The following IMMT variants were observed in gnomAD, a reference collection of about 807,000 sequenced individuals.
IMMT encodes inner membrane mitochondrial protein.
IMMT carries 40 observed loss-of-function variants against 92.7 expected under a neutral mutation model. That is an observed-to-expected ratio of 0.43 (90% CI 0.34 to 0.56). The LOEUF is 0.56. IMMT is among the 20% of genes least tolerant of loss of function. IMMT has a pLI of 0.03. For missense variants in IMMT, 831 were observed against 912.1 expected (o/e 0.91, Z 1.14); for synonymous variants, 322 against 336.1 (o/e 0.96, Z 0.46).
intron 13 of IMMT, among the ~76,000 whole-genome samples, 193 bp from the exon 14 acceptor site, chr2:86,146,390 G>A (rs973179809): frequency 3.7e-5 from 4 of 108,908 alleles, no homozygotes; most frequent in Admixed American, 9.0e-5. Flanking sequence ...TTTTTTTTTT[G>A]AGATGGAATC....
At chr2:86,174,964 T>G (rs575031054) in intron 3 of IMMT, among the ~76,000 whole-genome samples, 1 of 152,210 alleles carries the variant, frequency 6.6e-6, no homozygotes, top group African/African-American at 2.4e-5. Flanking sequence ...ATCTATGGGA[T>G]AGTTTTCAGA....
At chr2:86,180,085 A>T (rs1672330425) in intron 2 of IMMT, among the ~76,000 whole-genome samples, 1 of 152,016 alleles carries the variant, frequency 6.6e-6, no homozygotes, top group Admixed American at 6.6e-5. Flanking sequence ...CTCAAAAAAT[A>T]AATAAATAAA....
intron 8 of IMMT, chr2:86,159,934 T>C: frequency 3.7e-6 from 1 of 267,628 alleles, no homozygotes. Context: ...AGAAATGTAA[T>C]TGCTTTTTTT....
intron 10 of IMMT, among the ~76,000 whole-genome samples, chr2:86,154,234 G>A (rs940973938): frequency 7.4e-5 from 11 of 149,036 alleles, no homozygotes; most frequent in Non-Finnish European, 1.3e-4. Flanking sequence ...GTGCAGTGGC[G>A]CAATCTCAGC....
intron 6 of IMMT, among the ~76,000 whole-genome samples, chr2:86,167,975 G>C (rs1676835473): frequency 6.6e-6 from 1 of 151,976 alleles, no homozygotes; most frequent in African/African-American, 2.4e-5. Context: ...AATCGTAACA[G>C]GGAAAAAGAG....
chr2:86,182,905 C>CA (rs1439060292), intron 1 of IMMT, among the ~76,000 whole-genome samples: 12 of 150,868 alleles, frequency 8.0e-5, no homozygotes, highest in South Asian at 4.2e-4. Context: ...ACCAAACAAA[C>CA]AAAAAAAACC....
At chr2:86,170,549 C>T (rs1437958658) in intron 6 of IMMT, among the ~76,000 whole-genome samples, 200 bp downstream of exon 6, 1 of 152,144 alleles carries the variant, frequency 6.6e-6, no homozygotes, top group Non-Finnish European at 1.5e-5. Flanking sequence ...CAACTATACA[C>T]TAAGAATAGC....
In IMMT at chr2:86,191,747, CA is replaced by C. The variant is rs572412565; in HGVS notation, c.45+3590del. 9.3e-3 allele frequency among the ~76,000 whole-genome samples: 1,082 copies of C among 116,830 alleles called. 15 individuals carry two copies. Among genetic ancestry groups the C allele is most frequent in the East Asian group, 0.033 (118 of 3,614 alleles). 76.6% of individuals were successfully genotyped at this position (116,830 alleles called of 152,430 possible). A position where few individuals can be genotyped will look rare whatever the true frequency, so the allele number is the denominator to read the frequency against. On this transcript the variant is annotated intron_variant, in intron 1 of 14. Transcript: ENST00000410111. Reference sequence around the variant, plus strand: ...TGAAACCCCGTCTCTACTAAAAATACAAAAAAAAAAAAAAAAAAAAAATTAG... The same window carrying C: ...TGAAACCCCGTCTCTACTAAAAATACAAAAAAAAAAAAAAAAAAAAATTAG...
At chr2:86,158,536 T>G (rs748465940) in intron 10 of IMMT, 56 bp downstream of exon 10, 36 of 1,432,960 alleles carry the variant, frequency 2.5e-5, no homozygotes, top group Non-Finnish European at 3.4e-5. Flanking sequence ...CAAGTTTAGA[T>G]TCATTGATTA....
intron 12 of IMMT, 79 bp downstream of exon 12, chr2:86,151,218 G>A (rs948369759): frequency 4.8e-6 from 6 of 1,240,156 alleles, no homozygotes; most frequent in South Asian, 1.3e-5. Flanking sequence ...GCACCCGGCT[G>A]AGCCAGTATT....
Position 86,170,816 on chromosome 2 carries a change from C to T in IMMT, c.588G>A (p.Glu196=), listed in dbSNP as rs1237743249. The T allele has an allele frequency of 6.3e-7, 1 of 1,587,002 alleles. No homozygotes were observed. Among genetic ancestry groups the T allele is most frequent in the African/African-American group, 1.3e-5 (1 of 74,802 alleles). ...SEEASSSSIR[E]RPPEEVAARL... is the part of the protein sequence containing the mutation. ...GAGCTGCAACTTCTTCAGGTGGTCGCTCCCTTATAGAAGATGAGGATGCTT... is the reference window on the plus strand; with the variant it reads ...GAGCTGCAACTTCTTCAGGTGGTCGTTCCCTTATAGAAGATGAGGATGCTT... The change falls in exon 6 of 15, where the codon GAG becomes GAA. Residue 196 remains glutamate, a synonymous_variant. Transcript: ENST00000410111.
rs1258658368 is a variant in IMMT, at chr2:86,144,563, G to C, written c.1982C>G (p.Ser661Cys). 1 of 1,613,906 alleles carries C rather than the reference G, an allele frequency of 6.2e-7. No homozygotes were observed. The highest frequency in any genetic ancestry group is 8.5e-7 in the Non-Finnish European group (1 of 1,179,898). Residue 661 changes from serine (S) to cysteine (C), a missense_variant, in exon 15 of 15, where the codon TCC (serine) becomes TGC (cysteine). Physicochemically the swap from Ser to Cys is moderately radical, Grantham distance 112. Coordinates refer to ENST00000410111, the MANE Select transcript of IMMT (RefSeq NM_006839.3). ...TRNSLYQYFLSYLQSLLLFPP... is the reference protein window; with the variant it reads ...TRNSLYQYFLCYLQSLLLFPP... ...GAATAGGAGCAGGGACTGTAGGTAG[G>C]AGAGGAAGTACTGGTACAAGCTATT...
At chr2:86,160,530 C>CTTT (rs1283720148) in intron 8 of IMMT, among the ~76,000 whole-genome samples, 1 of 152,150 alleles carries the variant, frequency 6.6e-6, no homozygotes, top group Non-Finnish European at 1.5e-5. Context: ...GAGCATAATG[C>CTTT]CTTAAATCTC....
intron 10 of IMMT, among the ~76,000 whole-genome samples, chr2:86,157,787 T>TA (rs1675954566): frequency 1.9e-5 from 1 of 51,386 alleles, no homozygotes. Context: ...AAACTTTGTC[T>TA]CAAAAAAAAA....
At chr2:86,187,736 C>G (rs1018162908) in intron 1 of IMMT, among the ~76,000 whole-genome samples, 2 of 151,910 alleles carry the variant, frequency 1.3e-5, no homozygotes, top group African/African-American at 4.8e-5. Context: ...CATGGAGAAG[C>G]CCCGCGTCTC....
At chr2:86,160,718 T>C (rs57020255) in intron 8 of IMMT, among the ~76,000 whole-genome samples, 6,512 of 152,272 alleles carry the variant, frequency 0.043, 494 homozygotes, top group African/African-American at 0.15. Flanking sequence ...GCATGCTTGC[T>C]CAATCCTAGT....
intron 1 of IMMT, 135 bp downstream of exon 1, chr2:86,195,203 C>T (rs1673452808): frequency 1.1e-6 from 1 of 946,782 alleles, no homozygotes; most frequent in Non-Finnish European, 1.5e-6. Context: ...GCTGCCCGCC[C>T]GGGCCTCTCC....
At chr2:86,190,726 A>T (rs1247879852) in intron 1 of IMMT, among the ~76,000 whole-genome samples, 1 of 152,256 alleles carries the variant, frequency 6.6e-6, no homozygotes, top group Non-Finnish European at 1.5e-5. Flanking sequence ...GCAGTGACTT[A>T]AGCCTGTAAT....
At chr2:86,168,478 C>A (rs1676871766) in intron 6 of IMMT, among the ~76,000 whole-genome samples, 1 of 152,024 alleles carries the variant, frequency 6.6e-6, no homozygotes, top group African/African-American at 2.4e-5. Flanking sequence ...CAAAAATTAT[C>A]CAGACATGGT....
Sources: allele counts gnomAD v4.1 joint callset (sites outside exome capture counted in the v4.1 genomes callset), GRCh38; gene constraint gnomAD v4.1.1; transcripts MANE v1.5; gene names NCBI Gene and HGNC (gene_info 2026-07-23, HGNC 2026-07-21).